KIAA1217: variants seen among roughly 807,000 people sequenced by gnomAD.
The protein encoded by KIAA1217 is KIAA1217, also known as sickle tail protein homolog.
In KIAA1217, 88 loss-of-function variants were observed where a neutral mutation model predicts 163.9. The observed-to-expected ratio is 0.54, with a 90% CI of 0.45 to 0.64. KIAA1217 has a LOEUF of 0.64. Among genes scored for constraint, KIAA1217 ranks in the 30% least tolerant of loss-of-function variants. The pLI, the probability that KIAA1217 is intolerant of heterozygous loss-of-function variation, is 0.00. For missense variants in KIAA1217, 2,372 were observed against 2,475.0 expected (o/e 0.96, Z 0.88); for synonymous variants, 903 against 923.1 (o/e 0.98, Z 0.39).
intron 2 of KIAA1217, among the ~76,000 whole-genome samples, chr10:24,264,813 T>TTC (rs371606594): frequency 3.8e-5 from 5 of 131,026 alleles, no homozygotes; most frequent in Non-Finnish European, 8.2e-5. Context: ...CATTCTCTCT[T>TTC]TCTCTCTCTC....
chr10:24,377,250 G>A (rs898757159), intron 2 of KIAA1217, among the ~76,000 whole-genome samples: 7 of 152,190 alleles, frequency 4.6e-5, no homozygotes, highest in Non-Finnish European at 8.8e-5. Context: ...ATTTGGGGAA[G>A]TCTTTACAAG....
At chr10:24,084,276 G>A (rs2061624929) in intron 2 of KIAA1217, among the ~76,000 whole-genome samples, 1 of 151,990 alleles carries the variant, frequency 6.6e-6, no homozygotes, top group African/African-American at 2.4e-5. Flanking sequence ...TTTGGTTCAC[G>A]ATGTTTCACC....
intron 2 of KIAA1217, among the ~76,000 whole-genome samples, chr10:24,022,865 C>A (rs1847792583): frequency 6.7e-6 from 1 of 149,772 alleles, no homozygotes; most frequent in Non-Finnish European, 1.5e-5. Flanking sequence ...TGATAAAAGT[C>A]AACAATTATT....
chr10:23,944,325 T>G (rs1266058263), intron 1 of KIAA1217, among the ~76,000 whole-genome samples: 1 of 151,990 alleles, frequency 6.6e-6, no homozygotes, highest in Non-Finnish European at 1.5e-5. Flanking sequence ...TTTGGGTGAC[T>G]GAGGCAGGAG....
At chr10:23,815,532 T>A (rs1466859709) in intron 1 of KIAA1217, among the ~76,000 whole-genome samples, 1 of 152,064 alleles carries the variant, frequency 6.6e-6, no homozygotes, top group Non-Finnish European at 1.5e-5. Flanking sequence ...TAGTCCCAGC[T>A]ACTCAGGAGG....
intron 5 of KIAA1217, among the ~76,000 whole-genome samples, chr10:24,463,546 A>G (rs1266310989): frequency 6.6e-6 from 1 of 152,222 alleles, no homozygotes; most frequent in Non-Finnish European, 1.5e-5. Flanking sequence ...ACCAATGCAA[A>G]CAAGATGAAT....
chr10:24,059,456 A>C (rs922009521), intron 2 of KIAA1217, among the ~76,000 whole-genome samples: 7 of 152,086 alleles, frequency 4.6e-5, no homozygotes, highest in African/African-American at 1.4e-4. Flanking sequence ...GGTTAGAATT[A>C]ATTCTTTTTT....
chr10:24,473,552 G>A lies in KIAA1217; in HGVS notation c.1171G>A (p.Gly391Ser), dbSNP rs780748114. ...AAACATTGCAATGTACAGAAATGAG[G>A]GTTTCTATGCTGATCCTTACCTTTA... ...GKNIAMYRNEGFYADPYLYHE... is the reference protein window; with the variant it reads ...GKNIAMYRNESFYADPYLYHE... The change falls in exon 6 of 21, where the codon GGT becomes AGT. Residue 391 changes from glycine (G) to serine (S), a missense_variant. Transcript: ENST00000376454. The A allele has an allele frequency of 6.2e-7, 1 of 1,613,664 alleles. No homozygotes were observed. The highest frequency in any genetic ancestry group is 2.2e-5 in the East Asian group (1 of 44,826).
chr10:24,085,671 A>T (rs1564682172), intron 2 of KIAA1217, among the ~76,000 whole-genome samples: 2 of 132,358 alleles, frequency 1.5e-5, no homozygotes, highest in Non-Finnish European at 3.2e-5. Context: ...AATTTCAGTT[A>T]AAAAAAAAAA....
At chr10:24,383,318 G>T (rs975088934) in intron 3 of KIAA1217, among the ~76,000 whole-genome samples, 1 of 152,218 alleles carries the variant, frequency 6.6e-6, no homozygotes, top group Middle Eastern at 3.4e-3. Context: ...ATACCTGGGG[G>T]AACTTTGACT....
intron 2 of KIAA1217, among the ~76,000 whole-genome samples, chr10:24,037,647 T>A: frequency 6.6e-6 from 1 of 152,216 alleles, no homozygotes; most frequent in East Asian, 1.9e-4. Flanking sequence ...AGATTGTCTA[T>A]TCCAGATTAA....
At chr10:24,234,373 A>T (rs889678512) in intron 2 of KIAA1217, among the ~76,000 whole-genome samples, 3 of 152,100 alleles carry the variant, frequency 2.0e-5, no homozygotes, top group Admixed American at 2.0e-4. Flanking sequence ...AACTACATAC[A>T]TATATATCGG....
chr10:24,257,294 G>A (rs1446625860), intron 2 of KIAA1217, among the ~76,000 whole-genome samples: 2 of 152,136 alleles, frequency 1.3e-5, no homozygotes, highest in East Asian at 3.9e-4. Context: ...AGAAGTGTTT[G>A]GCAAAAAGTG....
intron 3 of KIAA1217, among the ~76,000 whole-genome samples, chr10:24,393,857 A>G (rs1282310759): frequency 1.3e-5 from 2 of 152,208 alleles, no homozygotes; most frequent in Non-Finnish European, 2.9e-5. Flanking sequence ...GCCCCTTAGC[A>G]CAGCCCCACG....
At chr10:24,457,666 G>C (rs1167851192) in intron 5 of KIAA1217, among the ~76,000 whole-genome samples, 2 of 152,148 alleles carry the variant, frequency 1.3e-5, no homozygotes, top group African/African-American at 4.8e-5. Flanking sequence ...CTCCCAAAGT[G>C]CTAGGTTTAT....
At chr10:24,489,588 G>T (rs918745832) in intron 6 of KIAA1217, among the ~76,000 whole-genome samples, 1 of 151,898 alleles carries the variant, frequency 6.6e-6, no homozygotes, top group Non-Finnish European at 1.5e-5. Flanking sequence ...TATATAAGTG[G>T]GCCAGGCATG....
chr10:23,713,851 A>G (rs943054570), intron 1 of KIAA1217, among the ~76,000 whole-genome samples: 1 of 152,104 alleles, frequency 6.6e-6, no homozygotes, highest in Non-Finnish European at 1.5e-5. Flanking sequence ...ACCTCTAGAC[A>G]ATTTCATTTA....
intron 1 of KIAA1217, among the ~76,000 whole-genome samples, chr10:23,941,332 C>T (rs997212343): frequency 1.3e-5 from 2 of 152,126 alleles, no homozygotes; most frequent in East Asian, 1.9e-4. Context: ...TTGAACAAAT[C>T]GTGTAATGTA....
chr10:24,416,001 C>T (rs539895890), intron 3 of KIAA1217, among the ~76,000 whole-genome samples: 6 of 152,248 alleles, frequency 3.9e-5, no homozygotes, highest in South Asian at 2.1e-4. Flanking sequence ...AGGGATGATC[C>T]GGCTGGCTGC....
Sources: gnomAD v4.1 joint callset for allele counts (sites outside exome capture counted in the v4.1 genomes callset) on GRCh38, gnomAD v4.1.1 for gene constraint, MANE v1.5 for transcripts, NCBI Gene and HGNC (gene_info 2026-07-23, HGNC 2026-07-21) for gene names.